RET: variants seen among roughly 807,000 people sequenced by gnomAD.
RET encodes proto-oncogene tyrosine-protein kinase receptor Ret.
A neutral mutation model predicts 118.3 loss-of-function variants in RET; 19 were observed. That is an observed-to-expected ratio of 0.16 (90% CI 0.11 to 0.24). The LOEUF (loss-of-function observed/expected upper bound fraction) is 0.24, where lower values mean the gene tolerates loss of function less well. RET is among the 10% of genes least tolerant of loss of function. The pLI, the probability that RET is intolerant of heterozygous loss-of-function variation, is 1.00. For synonymous variants in RET, 597 were observed against 644.1 expected (o/e 0.93, Z 1.11); for missense variants, 1,219 against 1,502.1 (o/e 0.81, Z 3.12).
intron 1 of RET, among the ~76,000 whole-genome samples, chr10:43,097,682 T>G (rs1433404470): frequency 6.6e-6 from 1 of 152,238 alleles, no homozygotes; most frequent in Non-Finnish European, 1.5e-5. Flanking sequence ...GTGTTCCTGA[T>G]GTACAGTGAG....
At chr10:43,082,743 A>G (rs746872997) in intron 1 of RET, among the ~76,000 whole-genome samples, 7 of 152,218 alleles carry the variant, frequency 4.6e-5, no homozygotes, top group Non-Finnish European at 1.0e-4. Flanking sequence ...CTGTGACTCC[A>G]GAGGATTCTC....
chr10:43,095,298 C>T (rs750363838), intron 1 of RET, among the ~76,000 whole-genome samples: 1 of 152,132 alleles, frequency 6.6e-6, no homozygotes, highest in African/African-American at 2.4e-5. Flanking sequence ...ATAGCACACC[C>T]TGTCTCGTGG....
rs755606269 is a variant in RET at position 43,123,701 on chromosome 10, C to G, written c.2832C>G (p.Ile944Met). ...VWSFGVLLWE[I>M]VTLGGNPYPG... ...CTTTTGGTGTCCTGCTGTGGGAGAT[C>G]GTGACCCTAGGGGGAAACCCCTATC... Residue 944 changes from isoleucine to methionine, a missense_variant, in exon 17 of 20, where the codon ATC becomes ATG. Ile to Met is a conservative substitution (Grantham distance 10). Around this residue, in one of 5 missense-constraint regions of RET, gnomAD observed 73 missense variants for 156.5 expected, o/e 0.47. Transcript: ENST00000355710. The G allele has an allele frequency of 6.2e-7, 1 of 1,614,154 alleles. No homozygotes were observed.
Position 43,100,655 on chromosome 10 carries a change from G to A in RET, c.270G>A (p.Glu90=), listed in dbSNP as rs755967110. Residue 90 remains glutamate (E), a synonymous_variant, in exon 2 of 20, where the codon GAG becomes GAA. Coordinates refer to ENST00000355710, the MANE Select transcript of RET (RefSeq NM_020975.6). The part of the protein sequence containing the change: ...LHENNWICIQ[E]DTGLLYLNRS... ...AGAACAACTGGATCTGCATCCAGGA[G>A]GACACCGGCCTCCTCTACCTTAACC... 2.3e-5 allele frequency: 37 copies of A among 1,612,698 alleles called. No individual in the cohort carries two copies. The South Asian group carries it at 2.9e-4, about 12-fold the overall frequency.
At chr10:43,077,445 G>T (rs1035524226) in intron 1 of RET, 114 bp downstream of exon 1, 14 of 1,292,886 alleles carry the variant, frequency 1.1e-5, no homozygotes, top group Non-Finnish European at 1.3e-5. Flanking sequence ...CGGGCTGTGC[G>T]GTCGCCGGCC....
chr10:43,128,338 C>A lies in RET; in HGVS notation c.*69C>A. 3 of 1,579,696 alleles carry A rather than the reference C, an allele frequency of 1.9e-6. No homozygotes were observed. The highest frequency in any genetic ancestry group is 2.6e-6 in the Non-Finnish European group (3 of 1,149,710). On this transcript the variant is annotated 3_prime_UTR_variant, in exon 20 of 20. Transcript: ENST00000355710. ...TGCTGAGAATGGAAAGTCTACCGGC[C>A]CTTTCTTTGTGAACGTCACATTGGC...
At chr10:43,123,930 C>A in intron 17 of RET, 122 bp downstream of exon 17, 1 of 1,461,840 alleles carries the variant, frequency 6.8e-7, no homozygotes, top group East Asian at 2.3e-5. Context: ...GGGGAGTGGG[C>A]AGGGCAGAGG....
At chr10:43,121,803 G>C in intron 15 of RET, 143 bp from the exon 16 acceptor site, 1 of 727,734 alleles carries the variant, frequency 1.4e-6, no homozygotes, top group South Asian at 1.4e-5. Context: ...TCAAAGATGT[G>C]TGTGGCCAGT....
intron 3 of RET, among the ~76,000 whole-genome samples, chr10:43,104,044 G>A (rs987685089): frequency 5.9e-5 from 9 of 152,200 alleles, no homozygotes; most frequent in Non-Finnish European, 7.3e-5. Flanking sequence ...AGTCTAGCGC[G>A]AGCTGCCATG....
chr10:43,113,033 C>A, intron 9 of RET, 70 bp downstream of exon 9: 1 of 1,315,806 alleles, frequency 7.6e-7, no homozygotes, highest in East Asian at 2.4e-5. Flanking sequence ...CCCACAGGCA[C>A]TTCAGCCAGA....
intron 1 of RET, among the ~76,000 whole-genome samples, chr10:43,079,310 C>G (rs1837126169): frequency 6.6e-6 from 1 of 152,174 alleles, no homozygotes; most frequent in Non-Finnish European, 1.5e-5. Context: ...ACAGGGACCC[C>G]AGCCCCTCTC....
In RET at chr10:43,129,676, CTCAT is replaced by C. The variant is rs1838407115; in HGVS notation, c.*1411_*1414del. The stretch of plus-strand genomic sequence containing the variant: ...AAGCACTGATAGGACTTAAAATAGT[CTCAT>C]TCAAATACTGTATTTTATATAGGCA... On this transcript the variant is annotated 3_prime_UTR_variant, in exon 20 of 20. Coordinates refer to ENST00000355710, the MANE Select transcript of RET (RefSeq NM_020975.6). 6.4e-6 allele frequency: 2 copies of C among 311,860 alleles called. No individual in the cohort carries two copies. Among genetic ancestry groups the C allele is most frequent in the Non-Finnish European group, 1.2e-5 (2 of 171,764 alleles). The allele number at this position is 311,860 out of a possible 1,614,324, so 19.3% of individuals were successfully genotyped here. A position where few individuals can be genotyped will look rare whatever the true frequency, so the allele number is the denominator to read the frequency against.
intron 16 of RET, 22 bp downstream of exon 16, chr10:43,122,038 T>C: frequency 6.2e-7 from 1 of 1,600,696 alleles, no homozygotes; most frequent in Non-Finnish European, 8.6e-7. Context: ...TGTTGCTCTC[T>C]TGGGGTGGAG....
At chr10:43,101,870 G>A (rs111528123) in intron 2 of RET, among the ~76,000 whole-genome samples, 3,414 of 152,350 alleles carry the variant, frequency 0.022, 59 homozygotes, top group Middle Eastern at 0.054. Flanking sequence ...ACCTAGGGCT[G>A]AGATGGAGGC....
At position 43,111,457 on chromosome 10, in the gene RET, A is replaced by C; in HGVS notation, c.1514A>C (p.Glu505Ala). The C allele has an allele frequency of 7.1e-7, 1 of 1,400,092 alleles. No homozygotes were observed. The highest frequency in any genetic ancestry group is 1.4e-5 in the African/African-American group (1 of 69,142). 86.7% of individuals were successfully genotyped at this position (1,400,092 alleles called of 1,614,324 possible). A position where few individuals can be genotyped will look rare whatever the true frequency, so the allele number is the denominator to read the frequency against. The change falls in exon 7 of 20, where the codon GAG becomes GCG. Residue 505 changes from glutamate to alanine, a missense_variant. Physicochemically the swap from Glu to Ala is moderately radical, Grantham distance 107. Around this residue, in one of 5 missense-constraint regions of RET, gnomAD observed 850 missense variants for 969.6 expected, o/e 0.88. Coordinates refer to ENST00000355710, the MANE Select transcript of RET (RefSeq NM_020975.6). The stretch of plus-strand genomic sequence containing the variant: ...CAGGCCCAGCTGCTTGTAACAGTGG[A>C]GGGGTCATGTGAGTGCCTGCTCCAG... ...QAQAQLLVTV[E>A]GSYVAEEAGC...
chr10:43,127,363 G>A, intron 19 of RET: 1 of 1,065,136 alleles, frequency 9.4e-7, no homozygotes, highest in Non-Finnish European at 1.1e-6. Context: ...CAGGACGGTT[G>A]TCACTTATGA....
intron 6 of RET, 78 bp from the exon 7 acceptor site, chr10:43,111,129 T>A (rs1327168164): frequency 2.5e-6 from 4 of 1,596,468 alleles, no homozygotes; most frequent in Non-Finnish European, 2.6e-6. Flanking sequence ...GGACTTAGGC[T>A]GTGTGGGAAT....
In RET at chr10:43,108,955, G is replaced by A; in HGVS notation, c.1064-76G>A. 4 of 1,411,000 alleles carry A rather than the reference G, an allele frequency of 2.8e-6. No individual in the cohort carries two copies. In the Admixed American group the frequency reaches 6.7e-5, roughly 24 times the overall value. 87.4% of individuals were successfully genotyped at this position (1,411,000 alleles called of 1,614,324 possible). On this transcript the variant is annotated intron_variant, in intron 5 of 19. Transcript: ENST00000355710. ...TGCACCAGTGTGAGTGCAGGGCTGT[G>A]TCTGGGAAGAGGTGTGCTACACATG...
At chr10:43,119,985 G>T (rs1838172904) in intron 14 of RET, 96 bp from the exon 15 acceptor site, 2 of 1,567,052 alleles carry the variant, frequency 1.3e-6, no homozygotes, top group East Asian at 4.7e-5. Context: ...CCGCTACCCG[G>T]GCCACACACC....
Sources: allele counts gnomAD v4.1 joint callset (sites outside exome capture counted in the v4.1 genomes callset), GRCh38; gene constraint gnomAD v4.1.1; regional missense constraint gnomAD v4.1.1; transcripts MANE v1.5; gene names NCBI Gene and HGNC (gene_info 2026-07-23, HGNC 2026-07-21).